Variants in NEGR1 observed in about 807,000 individuals in gnomAD.
NEGR1 encodes the protein IgLON family member 4.
Under a neutral mutation model 40.9 loss-of-function variants are expected in NEGR1, and 10 were observed. That is an observed-to-expected ratio of 0.24 (90% CI 0.15 to 0.42). The LOEUF is 0.42. Among genes scored for constraint, NEGR1 ranks in the 10% least tolerant of loss-of-function variants. The pLI is 1.00. For synonymous variants in NEGR1, 185 were observed against 166.8 expected, an observed-to-expected ratio of 1.11 and a Z score of -0.84; for missense variants, 352 against 438.9, an observed-to-expected ratio of 0.80 and a Z score of 1.77.
intron 1 of NEGR1, among the ~76,000 whole-genome samples, chr1:72,228,052 GCA>G (rs1221280228): frequency 6.6e-6 from 1 of 152,108 alleles, no homozygotes; most frequent in African/African-American, 2.4e-5. Flanking sequence ...AAGATGCCTT[GCA>G]CACAGAGAGA....
At chr1:71,860,044 A>C (rs1659898008) in intron 2 of NEGR1, among the ~76,000 whole-genome samples, 1 of 151,890 alleles carries the variant, frequency 6.6e-6, no homozygotes, top group Non-Finnish European at 1.5e-5. Flanking sequence ...TGCTCTGCAA[A>C]TTTTTGCAAT....
intron 6 of NEGR1, among the ~76,000 whole-genome samples, chr1:71,590,495 C>A (rs973956696): frequency 3.9e-5 from 6 of 151,978 alleles, no homozygotes; most frequent in African/African-American, 1.5e-4. Context: ...TCACCCTTTT[C>A]TTTCCAACAT....
chr1:71,476,001 T>G (rs1198265881), intron 6 of NEGR1, among the ~76,000 whole-genome samples: 4 of 152,128 alleles, frequency 2.6e-5, no homozygotes, highest in East Asian at 3.9e-4. Context: ...GTTTATAAAC[T>G]TGATTTATCT....
chr1:71,783,391 T>C (rs553134569), intron 2 of NEGR1, among the ~76,000 whole-genome samples: 1 of 152,292 alleles, frequency 6.6e-6, no homozygotes, highest in East Asian at 1.9e-4. Flanking sequence ...CTTTTTTCTC[T>C]AAATTGGTTT....
At chr1:71,723,561 C>G (rs1654579010) in intron 3 of NEGR1, among the ~76,000 whole-genome samples, 1 of 152,078 alleles carries the variant, frequency 6.6e-6, no homozygotes, top group South Asian at 2.1e-4. Context: ...TGAAGACATC[C>G]ACATGCCAGG....
At chr1:71,669,586 G>C (rs1652349078) in intron 4 of NEGR1, among the ~76,000 whole-genome samples, 1 of 151,978 alleles carries the variant, frequency 6.6e-6, no homozygotes, top group African/African-American at 2.4e-5. Context: ...TACAATGCTA[G>C]GGCCTTAGGA....
intron 5 of NEGR1, among the ~76,000 whole-genome samples, chr1:71,606,752 T>A (rs1031427215): frequency 6.6e-6 from 1 of 152,152 alleles, no homozygotes. Flanking sequence ...AAGTGTTTTT[T>A]TTTTTTTTCC....
intron 1 of NEGR1, among the ~76,000 whole-genome samples, chr1:72,164,291 GT>G (rs146517950): frequency 0.05 from 7,419 of 148,626 alleles, 620 homozygotes; most frequent in African/African-American, 0.17. Context: ...CTTGAAAACT[GT>G]TTTTTTTTTA....
At chr1:71,752,703 T>G (rs955149076) in intron 3 of NEGR1, among the ~76,000 whole-genome samples, 1 of 149,544 alleles carries the variant, frequency 6.7e-6, no homozygotes, top group African/African-American at 2.6e-5. Flanking sequence ...TCAAATACTA[T>G]GGAATCAATC....
At chr1:72,066,781 C>T (rs997891551) in intron 1 of NEGR1, among the ~76,000 whole-genome samples, 13 of 152,094 alleles carry the variant, frequency 8.5e-5, no homozygotes, top group African/African-American at 3.1e-4. Flanking sequence ...AAAATAAAGT[C>T]ATGCTGTTTA....
At chr1:71,755,526 A>G (rs1042713428) in intron 3 of NEGR1, among the ~76,000 whole-genome samples, 1 of 152,134 alleles carries the variant, frequency 6.6e-6, no homozygotes, top group Non-Finnish European at 1.5e-5. Context: ...TCCAGCCCCA[A>G]CTAACCTTCT....
At chr1:72,180,443 C>A in intron 1 of NEGR1, among the ~76,000 whole-genome samples, 1 of 150,630 alleles carries the variant, frequency 6.6e-6, no homozygotes, top group Non-Finnish European at 1.5e-5. Context: ...AATCTCAGGC[C>A]ACAAAAGCAA....
At chr1:71,592,998 A>G in intron 5 of NEGR1, 30 bp from the exon 6 acceptor site, 1 of 1,545,310 alleles carries the variant, frequency 6.5e-7, no homozygotes. Flanking sequence ...CTAGGTAAAT[A>G]TGTATTGTGA....
At chr1:71,877,760 GA>G (rs1243743461) in intron 2 of NEGR1, among the ~76,000 whole-genome samples, 1 of 152,016 alleles carries the variant, frequency 6.6e-6, no homozygotes, top group Non-Finnish European at 1.5e-5. Context: ...TATTTTATAA[GA>G]TGAAAACAAT....
At chr1:72,253,414 T>C (rs1038945326) in intron 1 of NEGR1, among the ~76,000 whole-genome samples, 2 of 152,172 alleles carry the variant, frequency 1.3e-5, no homozygotes, top group African/African-American at 2.4e-5. Flanking sequence ...AATACTTTTA[T>C]GGAGTGGCAA....
chr1:71,969,515 C>A (rs1570564679), intron 1 of NEGR1, among the ~76,000 whole-genome samples: 2 of 152,314 alleles, frequency 1.3e-5, no homozygotes, highest in Middle Eastern at 3.4e-3. Context: ...CTTGACCAAG[C>A]AACCCAGTCA....
Position 71,397,947 on chromosome 1 carries a change from A to T in NEGR1, c.*9499T>A, listed in dbSNP as rs2101244104. 6.6e-6 allele frequency: 1 copy of T among 152,374 alleles called. No homozygotes were observed. The highest frequency in any genetic ancestry group is 1.9e-4 in the East Asian group (1 of 5,170). The allele number at this position is 152,374 out of a possible 1,614,324, so 9.4% of individuals were successfully genotyped here. A position where few individuals can be genotyped will look rare whatever the true frequency, so the allele number is the denominator to read the frequency against. ...CTGCCTCCCAGTTGCTCCCAGGATG[A>T]TTTAAATGAAGCCAAGGTACAGCTT... On this transcript the variant is annotated 3_prime_UTR_variant, in exon 7 of 7. Coordinates refer to ENST00000357731, the MANE Select transcript of NEGR1 (RefSeq NM_173808.3).
chr1:72,002,270 A>G (rs762890297), intron 1 of NEGR1, among the ~76,000 whole-genome samples: 38 of 152,240 alleles, frequency 2.5e-4, no homozygotes, highest in Non-Finnish European at 5.1e-4. Context: ...ATTAATTATT[A>G]TCATCTTAAT....
chr1:71,939,386 G>A (rs1645939260), intron 1 of NEGR1, among the ~76,000 whole-genome samples: 1 of 151,996 alleles, frequency 6.6e-6, no homozygotes, highest in African/African-American at 2.4e-5. Context: ...TATTCCAAGG[G>A]CCTAAAAATA....
Sources: allele counts gnomAD v4.1 joint callset (sites outside exome capture counted in the v4.1 genomes callset), GRCh38; gene constraint gnomAD v4.1.1; transcripts MANE v1.5; gene names NCBI Gene and HGNC (gene_info 2026-07-23, HGNC 2026-07-21).